The following NRIP1 variants were observed in gnomAD, a reference collection of about 807,000 sequenced individuals.
NRIP1 encodes the protein nuclear receptor-interacting protein 1.
NRIP1 carries 28 observed loss-of-function variants against 75.0 expected under a neutral mutation model. That is an observed-to-expected ratio of 0.37 (90% confidence interval 0.28 to 0.51). The LOEUF is 0.51. Ranked by LOEUF, NRIP1 falls within the 20% of genes least tolerant of loss-of-function variation. NRIP1 has a pLI of 0.92. For missense variants in NRIP1, 1,435 were observed against 1,343.7 expected, an observed-to-expected ratio of 1.07 and a Z score of -1.06; for synonymous variants, 526 against 487.6, an observed-to-expected ratio of 1.08 and a Z score of -1.04.
chr21:14,994,345 G>A (rs1042291414), intron 3 of NRIP1, among the ~76,000 whole-genome samples: 4 of 152,068 alleles, frequency 2.6e-5, no homozygotes, highest in South Asian at 4.1e-4. Flanking sequence ...GGCTGGTCTC[G>A]AACGCCTGAC....
chr21:14,998,914 A>G (rs763450215), intron 3 of NRIP1, among the ~76,000 whole-genome samples: 11 of 152,180 alleles, frequency 7.2e-5, no homozygotes, highest in Non-Finnish European at 1.3e-4. Flanking sequence ...AGTTATATGC[A>G]AATGTTTTAA....
At chr21:15,033,571 T>C (rs2088762360) in intron 2 of NRIP1, among the ~76,000 whole-genome samples, 1 of 152,246 alleles carries the variant, frequency 6.6e-6, no homozygotes, top group Non-Finnish European at 1.5e-5. Flanking sequence ...ACTGTAATGG[T>C]GACTTTCAAC....
chr21:15,055,852 G>A (rs2089294614), intron 1 of NRIP1, among the ~76,000 whole-genome samples: 1 of 151,954 alleles, frequency 6.6e-6, no homozygotes, highest in Admixed American at 6.6e-5. Context: ...ACTGTTTTGG[G>A]CATTTTAACT....
At chr21:14,983,927 G>A (rs1330588228) in intron 3 of NRIP1, among the ~76,000 whole-genome samples, 1 of 152,180 alleles carries the variant, frequency 6.6e-6, no homozygotes, top group Non-Finnish European at 1.5e-5. Context: ...TACAGGCCAT[G>A]TACCTGTACA....
intron 2 of NRIP1, among the ~76,000 whole-genome samples, chr21:15,018,884 A>G (rs2088300072): frequency 1.3e-5 from 2 of 152,228 alleles, no homozygotes; most frequent in South Asian, 4.1e-4. Context: ...TGGTGAGCGC[A>G]AACATTCATG....
intron 3 of NRIP1, among the ~76,000 whole-genome samples, chr21:14,969,411 C>T (rs2086845762): frequency 6.6e-6 from 1 of 152,122 alleles, no homozygotes; most frequent in Admixed American, 6.6e-5. Flanking sequence ...ACATTTTAGT[C>T]ACAGTTTGAA....
intron 3 of NRIP1, among the ~76,000 whole-genome samples, chr21:14,979,080 T>C (rs1257275115): frequency 1.3e-5 from 2 of 152,344 alleles, no homozygotes; most frequent in South Asian, 2.1e-4. Context: ...TCTACTGTTA[T>C]CAAAGAAACA....
intron 1 of NRIP1, among the ~76,000 whole-genome samples, chr21:15,049,562 T>C (rs1206515822): frequency 6.6e-6 from 1 of 152,096 alleles, no homozygotes; most frequent in Admixed American, 6.5e-5. Flanking sequence ...AGAATAGGAT[T>C]TAGGGTACTT....
At chr21:15,045,760 C>A (rs1255509220) in intron 1 of NRIP1, among the ~76,000 whole-genome samples, 1 of 152,216 alleles carries the variant, frequency 6.6e-6, no homozygotes, top group Non-Finnish European at 1.5e-5. Context: ...TCAAACCCTG[C>A]CACTGTTTTA....
chr21:15,010,737 C>T (rs1305840436), intron 3 of NRIP1, among the ~76,000 whole-genome samples: 4 of 152,112 alleles, frequency 2.6e-5, no homozygotes, highest in Non-Finnish European at 4.4e-5. Context: ...GTAAAAGACT[C>T]GAACAAGGAT....
At chr21:15,001,283 A>AC (rs1260126384) in intron 3 of NRIP1, among the ~76,000 whole-genome samples, 1 of 152,140 alleles carries the variant, frequency 6.6e-6, no homozygotes, top group East Asian at 1.9e-4. Context: ...CAGGATGGGG[A>AC]CAGAAGAGGG....
At chr21:15,027,120 T>C (rs1282372772) in intron 2 of NRIP1, among the ~76,000 whole-genome samples, 1 of 152,130 alleles carries the variant, frequency 6.6e-6, no homozygotes, top group Non-Finnish European at 1.5e-5. Flanking sequence ...TAAAGTAACA[T>C]ATTACTTAAA....
chr21:15,055,718 AG>A (rs1403030444), intron 1 of NRIP1, among the ~76,000 whole-genome samples: 1 of 152,210 alleles, frequency 6.6e-6, no homozygotes, highest in Non-Finnish European at 1.5e-5. Flanking sequence ...TAAACAAAAA[AG>A]TGTGAAATAA....
At chr21:14,996,281 T>A (rs907182983) in intron 3 of NRIP1, among the ~76,000 whole-genome samples, 2 of 152,168 alleles carry the variant, frequency 1.3e-5, no homozygotes, top group Non-Finnish European at 2.9e-5. Flanking sequence ...GAAAGCTGCA[T>A]GTGGCTTGTG....
chr21:15,057,405 G>A (rs1452448468), intron 1 of NRIP1, among the ~76,000 whole-genome samples: 1 of 152,206 alleles, frequency 6.6e-6, no homozygotes, highest in Non-Finnish European at 1.5e-5. Context: ...CTTCAGAAGA[G>A]TTAGCACTGG....
At chr21:14,988,933 G>C (rs983460812) in intron 3 of NRIP1, among the ~76,000 whole-genome samples, 1 of 151,354 alleles carries the variant, frequency 6.6e-6, no homozygotes, top group Admixed American at 6.6e-5. Flanking sequence ...GAGGCAAAAC[G>C]AGGAGAGGAG....
At chr21:15,003,317 T>C (rs919423026) in intron 3 of NRIP1, among the ~76,000 whole-genome samples, 2 of 151,654 alleles carry the variant, frequency 1.3e-5, no homozygotes, top group African/African-American at 4.8e-5. Context: ...TAAGCCGTTC[T>C]GTTTTCATGT....
chr21:15,040,611 C>G (rs1027285520), intron 2 of NRIP1, among the ~76,000 whole-genome samples: 9 of 151,878 alleles, frequency 5.9e-5, no homozygotes, highest in African/African-American at 7.3e-5. Context: ...ATAAAAAAAG[C>G]CTTCAATACA....
Position 15,014,371 on chromosome 21 carries a change from C to T in NRIP1, c.-362G>A, listed in dbSNP as rs2088176999. 1 of 398,112 alleles carries T rather than the reference C, an allele frequency of 2.5e-6. No individual in the cohort carries two copies. The highest frequency in any genetic ancestry group is 1.3e-4 in the South Asian group (1 of 7,858). The allele number at this position is 398,112 out of a possible 1,614,324, so 24.7% of individuals were successfully genotyped here. The stretch of plus-strand genomic sequence containing the variant: ...TCTGTCTCCAAGCTCTGAGCCTCTG[C>T]TTTCTGAGAAAGAAAATTGAGAAGG... On this transcript the variant is annotated 5_prime_UTR_variant, in exon 3 of 4. Transcript: ENST00000318948.
Sources: gnomAD v4.1 joint callset for allele counts (sites outside exome capture counted in the v4.1 genomes callset) on GRCh38, gnomAD v4.1.1 for gene constraint, MANE v1.5 for transcripts, NCBI Gene and HGNC (gene_info 2026-07-23, HGNC 2026-07-21) for gene names.